The following SNTG1 variants were observed in gnomAD, a reference collection of about 807,000 sequenced individuals.
The protein encoded by SNTG1 is gamma-1-syntrophin.
In SNTG1, 39 loss-of-function variants were observed where a neutral mutation model predicts 74.7. The ratio of observed to expected loss-of-function variants is 0.52; its 90% CI spans 0.40 to 0.68. SNTG1 has a LOEUF of 0.68. SNTG1 is among the 30% of genes least tolerant of loss of function. The probability of loss-of-function intolerance (pLI) is 0.00; values close to 1 mark genes in which losing one functional copy is unlikely to be tolerated. For synonymous variants in SNTG1, 254 were observed against 217.1 expected (o/e 1.17, Z -1.49); for missense variants, 685 against 609.5 (o/e 1.12, Z -1.30).
At chr8:50,069,715 C>A (rs1821201329) in intron 1 of SNTG1, among the ~76,000 whole-genome samples, 1 of 147,248 alleles carries the variant, frequency 6.8e-6, no homozygotes, top group South Asian at 2.2e-4. Flanking sequence ...CCTGACTTCT[C>A]CCCAGAGTAC....
intron 2 of SNTG1, among the ~76,000 whole-genome samples, chr8:50,203,815 T>A (rs2084088415): frequency 2.0e-5 from 3 of 151,552 alleles, no homozygotes; most frequent in Admixed American, 6.6e-5. Context: ...AAAATCTTGT[T>A]ATATTTGTAC....
intron 15 of SNTG1, among the ~76,000 whole-genome samples, chr8:50,701,183 G>A (rs772949660): frequency 3.3e-5 from 5 of 152,102 alleles, no homozygotes; most frequent in Non-Finnish European, 5.9e-5. Flanking sequence ...AAATTGGCAA[G>A]GTTTCTGGAA....
chr8:50,107,388 G>A (rs2080413917), intron 1 of SNTG1, among the ~76,000 whole-genome samples: 1 of 152,026 alleles, frequency 6.6e-6, no homozygotes, highest in African/African-American at 2.4e-5. Flanking sequence ...ACACATGTAT[G>A]ATATTTAAAG....
chr8:50,025,777 T>C (rs1280336644), intron 1 of SNTG1, among the ~76,000 whole-genome samples: 6 of 152,218 alleles, frequency 3.9e-5, no homozygotes, highest in Non-Finnish European at 8.8e-5. Context: ...TTGTTATTGC[T>C]TTAGAAAATA....
chr8:50,321,013 C>T (rs887569448), intron 2 of SNTG1, among the ~76,000 whole-genome samples: 2 of 151,900 alleles, frequency 1.3e-5, no homozygotes, highest in African/African-American at 4.8e-5. Flanking sequence ...CGTTCTGTAA[C>T]ATTACACGAA....
At chr8:50,207,062 A>G (rs1224301892) in intron 2 of SNTG1, among the ~76,000 whole-genome samples, 1 of 152,194 alleles carries the variant, frequency 6.6e-6, no homozygotes, top group Non-Finnish European at 1.5e-5. Context: ...CTTTGTTATC[A>G]GGATGATGCT....
intron 1 of SNTG1, among the ~76,000 whole-genome samples, chr8:50,155,565 A>G (rs1221283272): frequency 6.6e-6 from 1 of 152,094 alleles, no homozygotes; most frequent in Non-Finnish European, 1.5e-5. Flanking sequence ...TAATGTTTAG[A>G]AATTCCCAAA....
At chr8:50,483,328 G>T (rs2093756474) in intron 8 of SNTG1, among the ~76,000 whole-genome samples, 1 of 151,946 alleles carries the variant, frequency 6.6e-6, no homozygotes, top group African/African-American at 2.4e-5. Context: ...CATGTATTAA[G>T]CAACATATAA....
intron 17 of SNTG1, among the ~76,000 whole-genome samples, chr8:50,723,877 A>G (rs761830953): frequency 2.0e-5 from 3 of 152,198 alleles, no homozygotes; most frequent in African/African-American, 7.2e-5. Flanking sequence ...AGGCAGTAAT[A>G]TTTGTAGTGA....
intron 2 of SNTG1, among the ~76,000 whole-genome samples, chr8:50,310,608 A>C (rs1449015628): frequency 1.3e-5 from 2 of 152,190 alleles, no homozygotes; most frequent in Non-Finnish European, 2.9e-5. Flanking sequence ...GAATCGCTTG[A>C]ACCTGGGAGG....
intron 13 of SNTG1, among the ~76,000 whole-genome samples, chr8:50,599,838 A>G (rs528466728): frequency 1.3e-5 from 2 of 152,224 alleles, no homozygotes; most frequent in East Asian, 3.9e-4. Flanking sequence ...GACTTCCAGT[A>G]CTATTTTGAG....
intron 2 of SNTG1, among the ~76,000 whole-genome samples, chr8:50,315,859 C>T (rs2090297377): frequency 6.6e-6 from 1 of 152,120 alleles, no homozygotes. Flanking sequence ...TGAAAGTGTG[C>T]TGATAAGCAC....
chr8:50,096,874 T>A (rs181832589), intron 1 of SNTG1, among the ~76,000 whole-genome samples: 5 of 152,252 alleles, frequency 3.3e-5, no homozygotes, highest in Admixed American at 2.6e-4. Flanking sequence ...TATTTGGATC[T>A]GAGTATGAAA....
chr8:50,271,989 T>C (rs1306987713), intron 2 of SNTG1, among the ~76,000 whole-genome samples: 1 of 151,940 alleles, frequency 6.6e-6, no homozygotes, highest in Non-Finnish European at 1.5e-5. Flanking sequence ...CAGGTGAGAG[T>C]ACAGCTAGAA....
intron 1 of SNTG1, among the ~76,000 whole-genome samples, chr8:50,141,357 A>G (rs758648794): frequency 6.6e-6 from 1 of 152,036 alleles, no homozygotes; most frequent in Non-Finnish European, 1.5e-5. Context: ...GCATTTTTTC[A>G]TTTGTTTCAC....
chr8:50,450,868 TA>T lies in SNTG1; in HGVS notation c.363+141del, dbSNP rs200347053. The T allele has an allele frequency of 5.8e-3, 4,050 of 696,100 alleles. 18 individuals carry two copies. Among genetic ancestry groups the T allele is most frequent in the Non-Finnish European group, 7.5e-3 (3,304 of 438,076 alleles). 43.1% of individuals were successfully genotyped at this position (696,100 alleles called of 1,614,324 possible). ...GATATCAAATTTTCAAATGTTCTCT[TA>T]ATTTTTTTTTAAATTAGAAATAGAT... On this transcript the variant is annotated intron_variant, in intron 8 of 18. Transcript: ENST00000642720.
In SNTG1 at chr8:50,404,410, T is replaced by C. The variant is rs72642356; in HGVS notation, c.162+2066T>C. 4.1e-3 allele frequency among the ~76,000 whole-genome samples: 618 copies of C among 152,222 alleles called. 4 individuals carry two copies. The highest frequency in any genetic ancestry group is 0.011 in the South Asian group (54 of 4,824). ...ATTTGTGTGGATATGTACAAGTTGA[T>C]TCCAAAATTTACATGGAAATATAAA... On this transcript the variant is annotated intron_variant, in intron 4 of 18. Transcript: ENST00000642720.
At chr8:50,334,339 G>T (rs956019625) in intron 2 of SNTG1, among the ~76,000 whole-genome samples, 1 of 152,146 alleles carries the variant, frequency 6.6e-6, no homozygotes, top group Non-Finnish European at 1.5e-5. Flanking sequence ...ATAAAGCAAA[G>T]TTGTTTTAAG....
intron 8 of SNTG1, among the ~76,000 whole-genome samples, chr8:50,467,189 T>C (rs2093615292): frequency 6.6e-6 from 1 of 151,922 alleles, no homozygotes; most frequent in African/African-American, 2.4e-5. Context: ...ACAGAATGAG[T>C]TACAAACTGT....
Sources: allele counts gnomAD v4.1 joint callset (sites outside exome capture counted in the v4.1 genomes callset), GRCh38; gene constraint gnomAD v4.1.1; transcripts MANE v1.5; gene names NCBI Gene and HGNC (gene_info 2026-07-23, HGNC 2026-07-21).